Variants in KMT2D observed in about 807,000 individuals in gnomAD.
The protein encoded by KMT2D is lysine methyltransferase 2D, also known as histone-lysine N-methyltransferase 2D.
KMT2D carries 55 observed loss-of-function variants against 512.7 expected under a neutral mutation model. That is an observed-to-expected ratio of 0.11 (90% CI 0.09 to 0.13). The LOEUF (loss-of-function observed/expected upper bound fraction) is 0.13. Among genes scored for constraint, KMT2D ranks in the 10% least tolerant of loss-of-function variants. KMT2D has a pLI of 1.00. For missense variants in KMT2D, 6,061 were observed against 7,127.9 expected (o/e 0.85, Z 5.39); for synonymous variants, 2,995 against 2,904.0 (o/e 1.03, Z -1.01).
chr12:49,033,079 G>T lies in KMT2D; in HGVS notation c.11626C>A (p.Leu3876Ile). The change falls in exon 40 of 55, where the codon CTT becomes ATT. Residue 3876 changes from leucine to isoleucine, a missense_variant. Coordinates refer to ENST00000301067, the MANE Select transcript of KMT2D (RefSeq NM_003482.4). Reference sequence around the variant, plus strand: ...CTGTGTGACATCAGACTCTGCTGAAGATGGGACAGCCCTGCCATGGACCCT... The same window carrying T: ...CTGTGTGACATCAGACTCTGCTGAATATGGGACAGCCCTGCCATGGACCCT... The part of the protein sequence containing the change: ...QQGSMAGLSH[L>I]QQSLMSHSGQ... 2.6e-6 allele frequency: 4 copies of T among 1,551,694 alleles called. No homozygotes were observed. Among genetic ancestry groups the T allele is most frequent in the Non-Finnish European group, 3.5e-6 (4 of 1,146,988 alleles).
rs1286065271 is a variant in KMT2D, at chr12:49,054,373, G to A, written c.444C>T (p.Gly148=). The A allele has an allele frequency of 9.4e-6, 15 of 1,596,410 alleles. 1 individual carries two copies. The highest frequency in any genetic ancestry group is 9.1e-5 in the South Asian group (8 of 88,048). The change falls in exon 5 of 55, where the codon GGC becomes GGT. Residue 148 remains glycine (G), a synonymous_variant. Transcript: ENST00000301067. The surrounding 1 kb of genome is among the most constrained non-coding windows in gnomAD (Gnocchi z 6.4). Reference sequence around the variant, plus strand: ...GTTCTGGGCCCTCCTGCCCCCATACGCCTGCCGACCATGCAGCACACCAAT... The same window carrying A: ...GTTCTGGGCCCTCCTGCCCCCATACACCTGCCGACCATGCAGCACACCAAT... ...AHHWCAAWSA[G]VWGQEGPELC...
chr12:49,028,214 G>A, intron 46 of KMT2D, 73 bp from the exon 47 acceptor site: 2 of 1,593,638 alleles, frequency 1.3e-6, no homozygotes, highest in Non-Finnish European at 1.7e-6. Context: ...TACCAGCTGG[G>A]TGGGGACAAG....
At chr12:49,050,817 C>T (rs753865273) in intron 11 of KMT2D, 27 bp from the exon 12 acceptor site, 82 of 1,585,542 alleles carry the variant, frequency 5.2e-5, no homozygotes, top group Non-Finnish European at 7.0e-5. Context: ...AAAAGAAGGG[C>T]TCTTAGATTA....
intron 54 of KMT2D, 82 bp downstream of exon 54, chr12:49,021,961 G>A (rs1352220897): frequency 5.8e-6 from 9 of 1,553,844 alleles, no homozygotes; most frequent in Non-Finnish European, 7.1e-6. Context: ...CCCAGCCTAG[G>A]AATCCACATT....
Position 49,041,598 on chromosome 12 carries a change from C to T in KMT2D, c.6234+57G>A, listed in dbSNP as rs2120549337. ...TGCAGGCAGGCCCCATGGCCCTCCACCCTCAAGAGAGGCCACCCACTAGAG... is the reference window on the plus strand; with the variant it reads ...TGCAGGCAGGCCCCATGGCCCTCCATCCTCAAGAGAGGCCACCCACTAGAG... On this transcript the variant is annotated intron_variant, in intron 31 of 54. Coordinates refer to ENST00000301067, the MANE Select transcript of KMT2D (RefSeq NM_003482.4). This position sits in a 1 kb window ranked among gnomAD's most constrained non-coding sequence, Gnocchi z 5.4. The T allele has an allele frequency of 3.1e-6, 5 of 1,612,720 alleles. No individual in the cohort carries two copies. The highest frequency in any genetic ancestry group is 2.2e-5 in the South Asian group (2 of 90,976).
rs200088180 is a variant in KMT2D at position 49,051,743 on chromosome 12, G to T, written c.1940C>A (p.Pro647Gln). The T allele has an allele frequency of 7.1e-4, 1,129 of 1,585,578 alleles. 4 individuals carry two copies. Among genetic ancestry groups the T allele is most frequent in the Middle Eastern group, 1.2e-3 (7 of 5,996 alleles). ...GGGGGATAGGCGCGATACCTCAGGT[G>T]GGGGGGACATAGGTGATTCTTCAGG... ...PPPEESPMSPPPEVSRLSPLP... is the reference protein window; with the variant it reads ...PPPEESPMSPQPEVSRLSPLP... The change falls in exon 11 of 55, where the codon CCA (proline) becomes CAA (glutamine). Residue 647 changes from proline (P) to glutamine (Q), a missense_variant. Pro to Gln is a moderately conservative substitution (Grantham distance 76). This residue lies in a region of KMT2D where 848 missense variants were observed against 838.5 expected (regional missense o/e 1.01). Coordinates refer to ENST00000301067, the MANE Select transcript of KMT2D (RefSeq NM_003482.4).
In KMT2D at chr12:49,024,657, G is replaced by T. The variant is rs532473266; in HGVS notation, c.15973C>A (p.Pro5325Thr). ...ATCATGAGTGGCAGCTCCATAAGGG[G>T]GTGGCGCCCATAGCGGAATAAATAG... Reference protein sequence around the residue: ...QNYLFRYGRHPLMELPLMINP... With the variant: ...QNYLFRYGRHTLMELPLMINP... The change falls in exon 51 of 55, where the codon CCC becomes ACC. Residue 5325 changes from proline (P) to threonine (T), a missense_variant. Transcript: ENST00000301067. This position sits in a 1 kb window ranked among gnomAD's most constrained non-coding sequence, Gnocchi z 4.5. 6.2e-7 allele frequency: 1 copy of T among 1,613,936 alleles called. No homozygotes were observed. Among genetic ancestry groups the T allele is most frequent in the South Asian group, 1.1e-5 (1 of 91,062 alleles).
Position 49,050,310 on chromosome 12 carries a change from G to A in KMT2D, c.3278C>T (p.Pro1093Leu), listed in dbSNP as rs747261463. Residue 1093 changes from proline (P) to leucine (L), a missense_variant, in exon 12 of 55, where the codon CCT becomes CTT. Physicochemically the swap from Pro to Leu is moderately conservative, Grantham distance 98 (BLOSUM62 -3). This residue lies in a region of KMT2D where 447 missense variants were observed against 500.1 expected (regional missense o/e 0.89). Transcript: ENST00000301067. ...CPALEPSATS[P>L]LPSPMGDLSC... ...AAGGTCCCCCATTGGGGAAGGGAGA[G>A]GACTGGTGGCACTGGGTTCCAAGGC... 1.2e-6 allele frequency: 2 copies of A among 1,611,326 alleles called. No homozygotes were observed. Among genetic ancestry groups the A allele is most frequent in the Non-Finnish European group, 1.7e-6 (2 of 1,178,702 alleles).
intron 35 of KMT2D, chr12:49,035,558 T>C (rs1224080616): frequency 6.6e-6 from 1 of 151,802 alleles, no homozygotes; most frequent in East Asian, 1.9e-4. Context: ...TTTCTTTTTT[T>C]CTTTTCTTTT....
At chr12:49,047,931 T>C (rs1937653633) in intron 15 of KMT2D, 34 bp downstream of exon 15, 1 of 1,451,248 alleles carries the variant, frequency 6.9e-7, no homozygotes, top group Non-Finnish European at 9.7e-7. Flanking sequence ...CTGACCCTAT[T>C]CCCCAGCCTA....
chr12:49,048,018 GGAGGT>G lies in KMT2D; in HGVS notation c.4178_4182del (p.His1393ProfsTer37), dbSNP rs1937658203. ...CACTGAGAGCACTGCGAACAGGCAA[GGAGGT>G]GGCCCTCTGCCCCCCGGCCAAAGCT... On this transcript the variant is annotated frameshift_variant, in exon 15 of 55. Transcript: ENST00000301067. LOFTEE classifies it high-confidence loss of function. 1 of 1,612,640 alleles carries G rather than the reference GGAGGT, an allele frequency of 6.2e-7. No homozygotes were observed. The highest frequency in any genetic ancestry group is 1.3e-5 in the African/African-American group (1 of 74,904).
At position 49,055,502 on chromosome 12, in the gene KMT2D, G is replaced by A. The variant is rs573194410; in HGVS notation, c.-37-141C>T. ...TACAAACTCCTATACTGACAAGAAA[G>A]TCATTCTCCCTAACCTGTAGGGTCA... On this transcript the variant is annotated intron_variant, in intron 1 of 54. Coordinates refer to ENST00000301067, the MANE Select transcript of KMT2D (RefSeq NM_003482.4). 5.1e-6 allele frequency: 3 copies of A among 586,362 alleles called. No individual in the cohort carries two copies. In the East Asian group the frequency reaches 8.5e-5, roughly 17 times the overall value. The allele number at this position is 586,362 out of a possible 1,614,324, so 36.3% of individuals were successfully genotyped here.
chr12:49,021,733 G>A lies in KMT2D; in HGVS notation c.*47C>T, dbSNP rs999167799. 14 of 1,445,204 alleles carry A rather than the reference G, an allele frequency of 9.7e-6. No individual in the cohort carries two copies. The highest frequency in any genetic ancestry group is 1.4e-5 in the Non-Finnish European group (14 of 1,028,234). 89.5% of individuals were successfully genotyped at this position (1,445,204 alleles called of 1,614,324 possible). A position where few individuals can be genotyped will look rare whatever the true frequency, so the allele number is the denominator to read the frequency against. ...CTTCCCCCTCATCCCTTTCAGGGAA[G>A]AGGTTGTGGGTAGGGGGACTCCCCT... On this transcript the variant is annotated 3_prime_UTR_variant, in exon 55 of 55. Transcript: ENST00000301067.
At chr12:49,058,851 C>T (rs1485276403) in intron 1 of KMT2D, among the ~76,000 whole-genome samples, 1 of 152,142 alleles carries the variant, frequency 6.6e-6, no homozygotes, top group East Asian at 1.9e-4. Context: ...AGCCTACATT[C>T]GCAGGGAGCA....
rs868032480 is a variant in KMT2D at position 49,054,359 on chromosome 12, T to C, written c.458A>G (p.Glu153Gly). Reference sequence around the variant, plus strand: ...GTCCACACCACATAGTTCTGGGCCCTCCTGCCCCCATACGCCTGCCGACCA... The same window carrying C: ...GTCCACACCACATAGTTCTGGGCCCCCCTGCCCCCATACGCCTGCCGACCA... ...AAWSAGVWGQ[E>G]GPELCGVDKA... The change falls in exon 5 of 55, where the codon GAG becomes GGG. Residue 153 changes from glutamate to glycine, a missense_variant. Glu to Gly is a moderately conservative substitution (Grantham distance 98). Coordinates refer to ENST00000301067, the MANE Select transcript of KMT2D (RefSeq NM_003482.4). This position sits in a 1 kb window ranked among gnomAD's most constrained non-coding sequence, Gnocchi z 6.4. The C allele has an allele frequency of 6.3e-7, 1 of 1,597,738 alleles. No homozygotes were observed. The highest frequency in any genetic ancestry group is 1.3e-5 in the African/African-American group (1 of 74,604).
Position 49,044,044 on chromosome 12 carries a change from C to T in KMT2D, c.5189-46G>A, listed in dbSNP as rs892393121. 6.2e-6 allele frequency: 10 copies of T among 1,609,796 alleles called. No individual in the cohort carries two copies. The Middle Eastern group carries it at 5.3e-4, about 85-fold the overall frequency. On this transcript the variant is annotated intron_variant, in intron 22 of 54. Coordinates refer to ENST00000301067, the MANE Select transcript of KMT2D (RefSeq NM_003482.4). The surrounding 1 kb of genome is among the most constrained non-coding windows in gnomAD (Gnocchi z 6.4). ...TCAGACTCGGGTTGAGAGCATGCTG[C>T]TCCCAACTTGCAGGGTGACACTTTG...
chr12:49,026,087 T>A lies in KMT2D; in HGVS notation c.15784+95A>T, dbSNP rs78828027. 3 of 1,228,784 alleles carry A rather than the reference T, an allele frequency of 2.4e-6. No homozygotes were observed. The highest frequency in any genetic ancestry group is 2.4e-5 in the Admixed American group (1 of 41,606). 76.1% of individuals were successfully genotyped at this position (1,228,784 alleles called of 1,614,324 possible). A position where few individuals can be genotyped will look rare whatever the true frequency, so the allele number is the denominator to read the frequency against. On this transcript the variant is annotated intron_variant, in intron 49 of 54. Transcript: ENST00000301067. This position sits in a 1 kb window ranked among gnomAD's most constrained non-coding sequence, Gnocchi z 9.6. ...GGTGGGGGAAGGAGGATCATTCACA[T>A]AGAAGCTACAGGTCCTCTTATAGAC...
intron 9 of KMT2D, 68 bp downstream of exon 9, chr12:49,052,847 A>G: frequency 6.2e-7 from 1 of 1,602,042 alleles, no homozygotes; most frequent in African/African-American, 1.3e-5. Context: ...ACTCAATTTA[A>G]CAAGGCCCCT....
rs555916407 is a variant in KMT2D, at chr12:49,025,311, C to A, written c.15785-365G>T. ...CCAAATACAGTCACGTGCAGCTTAACAACATTTCATTCAATGAGGAATCAT... is the reference window on the plus strand; with the variant it reads ...CCAAATACAGTCACGTGCAGCTTAAAAACATTTCATTCAATGAGGAATCAT... On this transcript the variant is annotated intron_variant, in intron 49 of 54. Coordinates refer to ENST00000301067, the MANE Select transcript of KMT2D (RefSeq NM_003482.4). Among the ~76,000 whole-genome samples, 1,100 of 152,322 alleles carry A rather than the reference C, an allele frequency of 7.2e-3. 10 individuals are homozygous for A. Among genetic ancestry groups the A allele is most frequent in the African/African-American group, 0.025 (1,044 of 41,566 alleles).
Sources: allele counts gnomAD v4.1 joint callset (sites outside exome capture counted in the v4.1 genomes callset), GRCh38; gene constraint gnomAD v4.1.1; regional missense constraint gnomAD v4.1.1; non-coding constraint Gnocchi (gnomAD v3.1); transcripts MANE v1.5; gene names NCBI Gene and HGNC (gene_info 2026-07-23, HGNC 2026-07-21).